PHF24: variants seen among roughly 807,000 people sequenced by gnomAD.
The protein encoded by PHF24 is Galpha inhibitory interacting protein.
Under a neutral mutation model 42.6 loss-of-function variants are expected in PHF24, and 25 were observed. The ratio of observed to expected loss-of-function variants is 0.59; its 90% CI spans 0.43 to 0.82. The LOEUF (loss-of-function observed/expected upper bound fraction) is 0.82. Ranked by LOEUF, PHF24 falls within the 40% of genes least tolerant of loss-of-function variation. The probability of loss-of-function intolerance (pLI) is 0.00; values close to 1 mark genes in which losing one functional copy is unlikely to be tolerated. For missense variants in PHF24, 470 were observed against 538.1 expected, an observed-to-expected ratio of 0.87 and a Z score of 1.25; for synonymous variants, 185 against 204.8, an observed-to-expected ratio of 0.90 and a Z score of 0.83.
the PHF24 span, among the ~76,000 whole-genome samples, chr9:34,897,918 T>C: frequency 6.6e-6 from 1 of 152,234 alleles, no homozygotes; most frequent in African/African-American, 2.4e-5. Context: ...AGTGAGAACA[T>C]ATGATGTTTG....
chr9:34,960,858 G>C (rs1826566331), intron 1 of PHF24, among the ~76,000 whole-genome samples: 1 of 152,204 alleles, frequency 6.6e-6, no homozygotes, highest in Admixed American at 6.5e-5. Flanking sequence ...GTGCACGAAA[G>C]ATGTCACCAG....
At chr9:34,852,539 T>G in the PHF24 span, among the ~76,000 whole-genome samples, 3 of 152,268 alleles carry the variant, frequency 2.0e-5, no homozygotes, top group Non-Finnish European at 4.4e-5. Flanking sequence ...ACAGCTTTGC[T>G]GAGCAAAGTA....
the PHF24 span, among the ~76,000 whole-genome samples, chr9:34,930,562 A>G: frequency 6.6e-6 from 1 of 152,178 alleles, no homozygotes; most frequent in Admixed American, 6.5e-5. Flanking sequence ...CCCCAAATGC[A>G]TTTTCACAAA....
At chr9:34,944,181 C>T in the PHF24 span, among the ~76,000 whole-genome samples, 1 of 152,172 alleles carries the variant, frequency 6.6e-6, no homozygotes, top group Non-Finnish European at 1.5e-5. Flanking sequence ...GGTGTTAAAT[C>T]CTGTGTTCCA....
chr9:34,726,528 T>C, the PHF24 span: 115 of 1,551,686 alleles, frequency 7.4e-5, no homozygotes, highest in South Asian at 1.3e-3. Flanking sequence ...TTGCTCTGCG[T>C]CATCTCCTCC....
chr9:34,913,160 G>GA, the PHF24 span, among the ~76,000 whole-genome samples: 8 of 150,008 alleles, frequency 5.3e-5, no homozygotes, highest in East Asian at 9.8e-4. Context: ...AAAAAAATTG[G>GA]AAAAAAAAAG....
the PHF24 span, among the ~76,000 whole-genome samples, chr9:34,819,941 G>C: frequency 3.3e-5 from 5 of 151,982 alleles, no homozygotes; most frequent in East Asian, 9.7e-4. Context: ...AATTCTATCA[G>C]GTTTTGTTTC....
At chr9:34,932,146 C>G in the PHF24 span, among the ~76,000 whole-genome samples, 1 of 152,152 alleles carries the variant, frequency 6.6e-6, no homozygotes, top group African/African-American at 2.4e-5. Flanking sequence ...GGGCTTAATC[C>G]TGCTTCTGTC....
chr9:34,798,622 G>A, the PHF24 span, among the ~76,000 whole-genome samples: 94 of 152,294 alleles, frequency 6.2e-4, 2 homozygotes, highest in South Asian at 1.5e-3. Context: ...CCAGTGATGG[G>A]CACCTAGGTT....
At chr9:34,852,977 A>T in the PHF24 span, among the ~76,000 whole-genome samples, 7 of 152,164 alleles carry the variant, frequency 4.6e-5, no homozygotes, top group African/African-American at 1.7e-4. Context: ...TTATTTAAAT[A>T]AGCTTTATAC....
the PHF24 span, among the ~76,000 whole-genome samples, chr9:34,717,588 A>G: frequency 6.6e-6 from 1 of 152,270 alleles, no homozygotes; most frequent in East Asian, 1.9e-4. Flanking sequence ...ACACAGCCAC[A>G]TTGTTGAGAC....
chr9:34,936,189 C>T, the PHF24 span, among the ~76,000 whole-genome samples: 12 of 152,200 alleles, frequency 7.9e-5, no homozygotes, highest in African/African-American at 2.4e-4. Context: ...CTGCCTCAGC[C>T]TGCCGAGTGC....
chr9:34,697,752 G>A, the PHF24 span, among the ~76,000 whole-genome samples: 1 of 152,118 alleles, frequency 6.6e-6, no homozygotes, highest in African/African-American at 2.4e-5. Flanking sequence ...ACCTCCGAAG[G>A]GCCCAGAAAG....
chr9:34,973,122 G>A (rs540914040), intron 3 of PHF24, among the ~76,000 whole-genome samples: 3 of 152,156 alleles, frequency 2.0e-5, no homozygotes, highest in Admixed American at 6.5e-5. Flanking sequence ...AATCACCCCC[G>A]GTAGAGAACC....
At position 34,977,938 on chromosome 9, in the gene PHF24, A is replaced by G. The variant is rs1827262170; in HGVS notation, c.1107-77A>G. On this transcript the variant is annotated intron_variant, in intron 7 of 7. Coordinates refer to ENST00000242315, the Ensembl canonical transcript of PHF24. ...ACGCGTCTTCAAACCAGCCTCCTCA[A>G]GCCATGCTGCCCCTGGGATCAGGGC... 3.5e-6 allele frequency: 4 copies of G among 1,158,238 alleles called. No homozygotes were observed. The African/African-American group carries it at 4.5e-5, about 13-fold the overall frequency. The allele number at this position is 1,158,238 out of a possible 1,614,324, so 71.7% of individuals were successfully genotyped here.
the PHF24 span, among the ~76,000 whole-genome samples, chr9:34,851,230 T>C: frequency 6.6e-6 from 1 of 152,210 alleles, no homozygotes; most frequent in Admixed American, 6.5e-5. Context: ...CATGCAGGCT[T>C]CCTTGAGCTG....
chr9:34,892,748 G>T, the PHF24 span: 3 of 478,586 alleles, frequency 6.3e-6, no homozygotes, highest in South Asian at 1.3e-4. Context: ...TGAAGACAGA[G>T]ATCCCATGAC....
chr9:34,874,107 G>C, the PHF24 span, among the ~76,000 whole-genome samples: 1 of 152,122 alleles, frequency 6.6e-6, no homozygotes, highest in South Asian at 2.1e-4. Flanking sequence ...TGAGACAATG[G>C]GGTTTTCTAG....
At chr9:34,971,303 G>A in exon 2 of PHF24, 1 of 1,601,260 alleles carries the variant, frequency 6.2e-7, no homozygotes, top group Non-Finnish European at 8.5e-7. Context: ...AGAGCCATGG[G>A]GGTGTTGATG....
Sources: allele counts gnomAD v4.1 joint callset (sites outside exome capture counted in the v4.1 genomes callset), GRCh38; gene constraint gnomAD v4.1.1; transcripts MANE v1.5; gene names NCBI Gene and HGNC (gene_info 2026-07-23, HGNC 2026-07-21).